The following ALK variants were observed in gnomAD, a reference collection of about 807,000 sequenced individuals.
The protein encoded by ALK is ALK tyrosine kinase receptor.
Under a neutral mutation model 163.1 loss-of-function variants are expected in ALK, and 74 were observed. The ratio of observed to expected loss-of-function variants is 0.45; its 90% CI spans 0.38 to 0.55. The LOEUF is 0.55. Among genes scored for constraint, ALK ranks in the 20% least tolerant of loss-of-function variants. The pLI is 0.00. For synonymous variants in ALK, 960 were observed against 843.2 expected (o/e 1.14, Z -2.40); for missense variants, 2,063 against 2,105.3 (o/e 0.98, Z 0.39).
intron 16 of ALK, 136 bp downstream of exon 16, chr2:29,228,748 G>A (rs1006974951): frequency 1.3e-5 from 9 of 675,332 alleles, no homozygotes; most frequent in African/African-American, 3.5e-5. Context: ...CAGGCAGGTC[G>A]AGAGGGAGGC....
chr2:29,534,022 T>G (rs915724918), intron 3 of ALK, among the ~76,000 whole-genome samples: 2 of 152,042 alleles, frequency 1.3e-5, no homozygotes, highest in Admixed American at 6.5e-5. Context: ...TAGATGATGT[T>G]TGGCTGCAGA....
intron 1 of ALK, among the ~76,000 whole-genome samples, chr2:29,802,170 G>T (rs1572390499): frequency 6.6e-6 from 1 of 151,814 alleles, no homozygotes; most frequent in African/African-American, 2.4e-5. Context: ...TCCCAAAATA[G>T]TTACCTACTT....
At chr2:29,653,143 C>T (rs951276638) in intron 3 of ALK, among the ~76,000 whole-genome samples, 5 of 152,158 alleles carry the variant, frequency 3.3e-5, no homozygotes, top group Non-Finnish European at 5.9e-5. Context: ...CTGGTGTTTG[C>T]TGCAGAACTT....
chr2:29,745,671 T>C (rs1431415491), intron 1 of ALK, among the ~76,000 whole-genome samples: 1 of 152,188 alleles, frequency 6.6e-6, no homozygotes, highest in Non-Finnish European at 1.5e-5. Context: ...GATTATCCTA[T>C]CAAAGTAGGT....
At chr2:29,380,714 A>T (rs1028516907) in intron 5 of ALK, among the ~76,000 whole-genome samples, 3 of 152,156 alleles carry the variant, frequency 2.0e-5, no homozygotes, top group Non-Finnish European at 2.9e-5. Context: ...GATTATAGGC[A>T]TTAGCCACCG....
chr2:29,735,642 G>T (rs1271749901), intron 1 of ALK, among the ~76,000 whole-genome samples: 1 of 152,014 alleles, frequency 6.6e-6, no homozygotes, highest in Non-Finnish European at 1.5e-5. Flanking sequence ...CATGGGAGGG[G>T]CCCAGTGGGA....
At chr2:29,538,648 A>G (rs1226285167) in intron 3 of ALK, among the ~76,000 whole-genome samples, 1 of 152,204 alleles carries the variant, frequency 6.6e-6, no homozygotes, top group African/African-American at 2.4e-5. Context: ...ACAAGGAATC[A>G]AATAGTACAG....
rs367732859 is a variant in ALK at position 29,512,723 on chromosome 2, C to T, written c.1154+19192G>A. Among the ~76,000 whole-genome samples, 1,475 of 148,624 alleles carry T rather than the reference C, an allele frequency of 9.9e-3. 12 individuals carry two copies. The highest frequency in any genetic ancestry group is 0.02 in the African/African-American group (807 of 39,902). ...AAGTCAAATTGTCCCTGTTTGCAGA[C>T]GACATGATTGTATATCTAGAAAACC... On this transcript the variant is annotated intron_variant, in intron 4 of 28. Transcript: ENST00000389048.
intron 1 of ALK, among the ~76,000 whole-genome samples, chr2:29,913,181 C>A (rs192982612): frequency 6.6e-6 from 1 of 152,066 alleles, no homozygotes. Flanking sequence ...TGTATCTTCC[C>A]CAAGGGAGAT....
intron 2 of ALK, among the ~76,000 whole-genome samples, chr2:29,713,113 G>C (rs2148303679): frequency 6.6e-6 from 1 of 152,212 alleles, no homozygotes; most frequent in East Asian, 1.9e-4. Context: ...CGCAATCCTT[G>C]GTGTTCCTTG....
chr2:29,377,147 G>T (rs1472187485), intron 5 of ALK, among the ~76,000 whole-genome samples: 3 of 152,134 alleles, frequency 2.0e-5, no homozygotes, highest in African/African-American at 7.2e-5. Context: ...TTAAATAAGT[G>T]TAACATCTAG....
chr2:29,597,279 T>C (rs1675241928), intron 3 of ALK, among the ~76,000 whole-genome samples: 1 of 152,198 alleles, frequency 6.6e-6, no homozygotes, highest in Non-Finnish European at 1.5e-5. Flanking sequence ...GCCTCACAAA[T>C]CAGGCTTCTC....
At chr2:29,543,074 T>G (rs886592958) in intron 3 of ALK, among the ~76,000 whole-genome samples, 1 of 152,142 alleles carries the variant, frequency 6.6e-6, no homozygotes, top group Non-Finnish European at 1.5e-5. Context: ...AGCATATAAA[T>G]TTATTTATGT....
At chr2:29,526,876 T>G (rs1672972713) in intron 4 of ALK, among the ~76,000 whole-genome samples, 1 of 152,238 alleles carries the variant, frequency 6.6e-6, no homozygotes, top group Admixed American at 6.5e-5. Context: ...ACAGGTGCCC[T>G]GCCCTGAGAC....
chr2:29,908,300 A>G (rs951766472), intron 1 of ALK, among the ~76,000 whole-genome samples: 1 of 151,772 alleles, frequency 6.6e-6, no homozygotes, highest in African/African-American at 2.4e-5. Flanking sequence ...ACACACACAC[A>G]CACACACACA....
chr2:29,624,714 C>G (rs1558414006), intron 3 of ALK, among the ~76,000 whole-genome samples: 1 of 152,194 alleles, frequency 6.6e-6, no homozygotes, highest in African/African-American at 2.4e-5. Flanking sequence ...ATGTAATAAA[C>G]CTGCACGTAC....
At chr2:29,615,820 G>C (rs1236900299) in intron 3 of ALK, among the ~76,000 whole-genome samples, 1 of 152,212 alleles carries the variant, frequency 6.6e-6, no homozygotes, top group Non-Finnish European at 1.5e-5. Flanking sequence ...ATTTTAATAG[G>C]AGGCTTCAAA....
intron 3 of ALK, among the ~76,000 whole-genome samples, chr2:29,533,425 T>A (rs1179833911): frequency 6.6e-6 from 1 of 152,214 alleles, no homozygotes; most frequent in Non-Finnish European, 1.5e-5. Flanking sequence ...GGAAATGACT[T>A]GTCCAAAGTC....
chr2:29,638,094 A>G (rs1477693375), intron 3 of ALK, among the ~76,000 whole-genome samples: 1 of 152,138 alleles, frequency 6.6e-6, no homozygotes. Context: ...CGTTTTCCCT[A>G]AAGCACACCT....
Sources: allele counts gnomAD v4.1 joint callset (sites outside exome capture counted in the v4.1 genomes callset), GRCh38; gene constraint gnomAD v4.1.1; transcripts MANE v1.5; gene names NCBI Gene and HGNC (gene_info 2026-07-23, HGNC 2026-07-21).